Variants in NRG4 observed in about 807,000 individuals in gnomAD.
NRG4 encodes the protein neuregulin 4, also known as pro-neuregulin-4, membrane-bound isoform.
NRG4 carries 10 observed loss-of-function variants against 15.0 expected under a neutral mutation model. The observed-to-expected ratio is 0.67, with a 90% CI of 0.41 to 1.13. NRG4 has a LOEUF of 1.13. Among genes scored for constraint, NRG4 ranks in the 50% most tolerant of loss-of-function variants. The pLI is 0.00. For synonymous variants in NRG4, 41 were observed against 50.1 expected, an observed-to-expected ratio of 0.82 and a Z score of 0.77; for missense variants, 139 against 140.2, an observed-to-expected ratio of 0.99 and a Z score of 0.04.
downstream of NRG4, chr15:75,938,025 G>T (rs936870309): frequency 2.0e-5 from 3 of 152,204 alleles, no homozygotes; most frequent in Admixed American, 6.5e-5. Context: ...ACACTTGCCC[G>T]GAAAGTTCTA....
intron 3 of NRG4, among the ~76,000 whole-genome samples, chr15:75,995,859 A>C (rs76697266): frequency 0.015 from 2,322 of 152,324 alleles, 58 homozygotes; most frequent in African/African-American, 0.052. Context: ...GGCAGTGCCT[A>C]TCTAAGCACT....
At chr15:76,027,914 G>C (rs916078919) in intron 5 of NRG4, among the ~76,000 whole-genome samples, 1 of 152,044 alleles carries the variant, frequency 6.6e-6, no homozygotes, top group Non-Finnish European at 1.5e-5. Flanking sequence ...ACACCACCCT[G>C]CTGAACGACC....
At chr15:75,944,500 A>G (rs1227308570) in intron 5 of NRG4, among the ~76,000 whole-genome samples, 1 of 152,238 alleles carries the variant, frequency 6.6e-6, no homozygotes, top group Non-Finnish European at 1.5e-5. Context: ...GGGGAGGCTT[A>G]CATTCCAGAA....
Position 75,942,635 on chromosome 15 carries a change from T to TA in NRG4, c.*1002dup, listed in dbSNP as rs1035805556. On this transcript the variant is annotated 3_prime_UTR_variant, in exon 6 of 6. Coordinates refer to ENST00000394907, the MANE Select transcript of NRG4 (RefSeq NM_138573.4). ...AGTGACCCACTGAATTCACAGCACT[T>TA]ACACTGGGCCAGACTGTGTAGAGAA... 6.6e-6 allele frequency: 1 copy of TA among 152,230 alleles called. No homozygotes were observed. Among genetic ancestry groups the TA allele is most frequent in the Non-Finnish European group, 1.5e-5 (1 of 68,058 alleles). 9.4% of individuals were successfully genotyped at this position (152,230 alleles called of 1,614,324 possible). A position where few individuals can be genotyped will look rare whatever the true frequency, so the allele number is the denominator to read the frequency against.
intron 4 of NRG4, among the ~76,000 whole-genome samples, chr15:76,045,140 C>T (rs779899512): frequency 6.0e-5 from 9 of 150,830 alleles, no homozygotes; most frequent in Non-Finnish European, 1.2e-4. Context: ...AAGATCTGAA[C>T]GGACATTTCT....
chr15:75,972,969 C>A (rs1175401890), intron 3 of NRG4, among the ~76,000 whole-genome samples: 2 of 152,078 alleles, frequency 1.3e-5, no homozygotes, highest in Non-Finnish European at 2.9e-5. Context: ...GACAGTGTGG[C>A]CATTTTCAAG....
At chr15:75,992,006 T>C (rs2034035171) in intron 3 of NRG4, among the ~76,000 whole-genome samples, 1 of 152,182 alleles carries the variant, frequency 6.6e-6, no homozygotes, top group African/African-American at 2.4e-5. Flanking sequence ...ATAAACCTTT[T>C]AGCCAACTCT....
At chr15:75,947,374 G>C (rs2141772159) in intron 5 of NRG4, among the ~76,000 whole-genome samples, 1 of 152,194 alleles carries the variant, frequency 6.6e-6, no homozygotes, top group Non-Finnish European at 1.5e-5. Flanking sequence ...TCCCAGAAAG[G>C]GAGTCTCCCT....
intron 1 of NRG4, 156 bp downstream of exon 1, chr15:76,012,161 CAG>C (rs1338734929): frequency 2.0e-5 from 3 of 151,878 alleles, no homozygotes; most frequent in Non-Finnish European, 4.4e-5. Flanking sequence ...CTTAGACAAG[CAG>C]AGAGGCAGAG....
chr15:75,953,680 C>T (rs2141791711), intron 5 of NRG4, among the ~76,000 whole-genome samples: 1 of 152,268 alleles, frequency 6.6e-6, no homozygotes, highest in South Asian at 2.1e-4. Context: ...GACTTTATCA[C>T]TGGTTCTGAG....
chr15:75,945,079 C>A (rs1010139869), intron 5 of NRG4, among the ~76,000 whole-genome samples: 2 of 151,662 alleles, frequency 1.3e-5, no homozygotes, highest in African/African-American at 2.4e-5. Context: ...AAGAGGCAAA[C>A]CTTTTGGGGA....
intron 5 of NRG4, among the ~76,000 whole-genome samples, chr15:76,020,228 T>C (rs775199946): frequency 1.3e-5 from 2 of 152,132 alleles, no homozygotes; most frequent in Non-Finnish European, 2.9e-5. Context: ...CACAACAATA[T>C]TGAAATTAGC....
chr15:76,006,676 C>A (rs189630301), intron 3 of NRG4, among the ~76,000 whole-genome samples: 1 of 152,218 alleles, frequency 6.6e-6, no homozygotes, highest in African/African-American at 2.4e-5. Flanking sequence ...CTCCCAATTA[C>A]TACTTTTACA....
At chr15:75,984,934 TC>T (rs1204548539) in intron 3 of NRG4, among the ~76,000 whole-genome samples, 2 of 152,152 alleles carry the variant, frequency 1.3e-5, no homozygotes, top group Non-Finnish European at 2.9e-5. Context: ...AACTTCCACC[TC>T]CCAGGTTCAA....
chr15:76,006,482 T>C (rs913568360), intron 3 of NRG4, among the ~76,000 whole-genome samples: 1 of 152,164 alleles, frequency 6.6e-6, no homozygotes, highest in African/African-American at 2.4e-5. Context: ...TTTTTATCCT[T>C]TTTTCTCAGT....
intron 5 of NRG4, among the ~76,000 whole-genome samples, chr15:76,018,741 C>G (rs2035062098): frequency 6.6e-6 from 1 of 152,198 alleles, no homozygotes; most frequent in Admixed American, 6.5e-5. Flanking sequence ...CCGGCTGGAG[C>G]TCTCCTGTAT....
chr15:75,947,075 A>G (rs2031572804), intron 5 of NRG4, among the ~76,000 whole-genome samples: 1 of 152,222 alleles, frequency 6.6e-6, no homozygotes, highest in African/African-American at 2.4e-5. Context: ...TGTCAACACA[A>G]TAAGCCCAGC....
chr15:75,982,038 A>G (rs984105766), intron 3 of NRG4, among the ~76,000 whole-genome samples: 7 of 152,184 alleles, frequency 4.6e-5, no homozygotes, highest in Middle Eastern at 3.2e-3. Flanking sequence ...TTGCTAAGAA[A>G]ACCTAGATCC....
At chr15:76,024,216 T>C (rs960916610) in intron 5 of NRG4, among the ~76,000 whole-genome samples, 119 of 152,234 alleles carry the variant, frequency 7.8e-4, no homozygotes, top group African/African-American at 2.7e-3. Flanking sequence ...GCTGACTGAG[T>C]AGCTGTATGT....
Sources: gnomAD v4.1 joint callset for allele counts (sites outside exome capture counted in the v4.1 genomes callset) on GRCh38, gnomAD v4.1.1 for gene constraint, MANE v1.5 for transcripts, NCBI Gene and HGNC (gene_info 2026-07-23, HGNC 2026-07-21) for gene names.